TENM3: variants seen among roughly 807,000 people sequenced by gnomAD.
TENM3 encodes teneurin-3.
In TENM3, 63 loss-of-function variants were observed where a neutral mutation model predicts 255.1. The observed-to-expected ratio is 0.25, with a 90% CI of 0.20 to 0.30. The LOEUF is 0.30. Among genes scored for constraint, TENM3 ranks in the 10% least tolerant of loss-of-function variants. The probability of loss-of-function intolerance (pLI) is 1.00; values close to 1 mark genes in which losing one functional copy is unlikely to be tolerated. For synonymous variants in TENM3, 1,306 were observed against 1,322.3 expected (o/e 0.99, Z 0.27); for missense variants, 2,929 against 3,461.1 (o/e 0.85, Z 3.86).
chr4:181,755,062 C>G, the TENM3 span, among the ~76,000 whole-genome samples: 3 of 152,138 alleles, frequency 2.0e-5, no homozygotes, highest in Non-Finnish European at 4.4e-5. Flanking sequence ...AGGGTCAGCT[C>G]AGTACCAGTT....
the TENM3 span, among the ~76,000 whole-genome samples, chr4:181,514,811 G>A: frequency 1.9e-4 from 29 of 152,196 alleles, no homozygotes; most frequent in African/African-American, 3.4e-4. Context: ...AACCTGAGGC[G>A]TGGTAGCCAC....
the TENM3 span, among the ~76,000 whole-genome samples, chr4:181,654,365 G>A: frequency 1.1e-3 from 171 of 152,236 alleles, 1 homozygote; most frequent in African/African-American, 3.8e-3. Flanking sequence ...TTAATTGGAG[G>A]AAAAGAATAT....
At chr4:182,511,354 T>C (rs1737372689) in intron 3 of TENM3, among the ~76,000 whole-genome samples, 1 of 152,170 alleles carries the variant, frequency 6.6e-6, no homozygotes, top group Non-Finnish European at 1.5e-5. Flanking sequence ...AACATGTAAT[T>C]AGATGTCAGT....
chr4:182,535,031 G>T lies in TENM3; in HGVS notation c.512-65893G>T, dbSNP rs116173457. The stretch of plus-strand genomic sequence containing the variant: ...ATGATTAAGAGTCAGGATTGCTGTG[G>T]TACTGACTTGCACCCTCCTCCTCAA... On this transcript the variant is annotated intron_variant, in intron 3 of 27. Coordinates refer to ENST00000511685, the MANE Select transcript of TENM3 (RefSeq NM_001080477.4). Among the ~76,000 whole-genome samples, 986 of 152,296 alleles carry T rather than the reference G, an allele frequency of 6.5e-3. 11 individuals carry two copies. The highest frequency in any genetic ancestry group is 0.022 in the African/African-American group (933 of 41,560).
At chr4:181,754,234 C>G in the TENM3 span, among the ~76,000 whole-genome samples, 1 of 149,120 alleles carries the variant, frequency 6.7e-6, no homozygotes, top group Non-Finnish European at 1.5e-5. Flanking sequence ...AAAGAAACAA[C>G]TTATCATCTT....
At chr4:182,061,995 T>A in the TENM3 span, among the ~76,000 whole-genome samples, 1 of 152,094 alleles carries the variant, frequency 6.6e-6, no homozygotes, top group South Asian at 2.1e-4. Context: ...AATTAAATAT[T>A]TGCATTGTTG....
the TENM3 span, among the ~76,000 whole-genome samples, chr4:181,576,837 G>A: frequency 3.8e-5 from 5 of 131,536 alleles, no homozygotes; most frequent in African/African-American, 1.4e-4. Flanking sequence ...TTTTGAGACG[G>A]AGTTCCACTC....
chr4:181,924,148 C>T, the TENM3 span, among the ~76,000 whole-genome samples: 97 of 152,260 alleles, frequency 6.4e-4, no homozygotes, highest in African/African-American at 2.3e-3. Context: ...TGTTTTCTTA[C>T]TGCTTGCTTT....
chr4:181,909,641 T>A, the TENM3 span, among the ~76,000 whole-genome samples: 2 of 152,160 alleles, frequency 1.3e-5, no homozygotes, highest in African/African-American at 4.8e-5. Flanking sequence ...CTAGTAATGA[T>A]TTTTTAGATT....
the TENM3 span, among the ~76,000 whole-genome samples, chr4:181,628,849 G>GTT: frequency 7.2e-5 from 11 of 151,882 alleles, no homozygotes; most frequent in Admixed American, 2.6e-4. Context: ...ACTTTAAAGT[G>GTT]TTTTTTTTCC....
At chr4:181,546,670 C>T in the TENM3 span, among the ~76,000 whole-genome samples, 2 of 139,920 alleles carry the variant, frequency 1.4e-5, no homozygotes, top group Admixed American at 7.6e-5. Context: ...GCCGAGATCG[C>T]GCCACTGCAC....
intron 3 of TENM3, among the ~76,000 whole-genome samples, chr4:182,526,203 A>G (rs1192579205): frequency 6.6e-6 from 1 of 151,182 alleles, no homozygotes; most frequent in Non-Finnish European, 1.5e-5. Context: ...GATGGGCTCG[A>G]TCTCCTGACC....
In TENM3 at chr4:182,681,803, C is replaced by G; in HGVS notation, c.1835-11C>G. The G allele has an allele frequency of 6.3e-7, 1 of 1,598,440 alleles. No homozygotes were observed. Among genetic ancestry groups the G allele is most frequent in the Admixed American group, 1.7e-5 (1 of 58,702 alleles). On this transcript the variant is annotated splice_polypyrimidine_tract_variant and intron_variant, in intron 10 of 27. Coordinates refer to ENST00000511685, the MANE Select transcript of TENM3 (RefSeq NM_001080477.4). ...CTGGATTTAATAAAATTGTTCTTTT[C>G]TTTACACCAGCTGACTGTATAGACC...
intron 1 of TENM3, among the ~76,000 whole-genome samples, chr4:182,227,678 C>G (rs1411838244): frequency 8.0e-6 from 1 of 125,158 alleles, no homozygotes; most frequent in Non-Finnish European, 1.7e-5. Context: ...GTTGTCATTT[C>G]AAAATATTCC....
At chr4:182,054,133 A>G in the TENM3 span, among the ~76,000 whole-genome samples, 1 of 152,104 alleles carries the variant, frequency 6.6e-6, no homozygotes, top group South Asian at 2.1e-4. Flanking sequence ...TACATCTTCC[A>G]TGTGCTCCAG....
At chr4:181,583,234 G>A in the TENM3 span, among the ~76,000 whole-genome samples, 1 of 151,178 alleles carries the variant, frequency 6.6e-6, no homozygotes, top group African/African-American at 2.4e-5. Flanking sequence ...ACTTTAAAAC[G>A]ATCTGTGTGA....
chr4:182,182,630 T>G (rs1752912696), intron 1 of TENM3, among the ~76,000 whole-genome samples: 1 of 152,176 alleles, frequency 6.6e-6, no homozygotes. Flanking sequence ...CAGTGATGTC[T>G]AAGGCCATGA....
the TENM3 span, among the ~76,000 whole-genome samples, chr4:181,797,318 G>A: frequency 6.6e-6 from 1 of 151,986 alleles, no homozygotes; most frequent in African/African-American, 2.4e-5. Context: ...ATACATAATG[G>A]TGAAAGGGAC....
chr4:181,697,391 G>C, the TENM3 span, among the ~76,000 whole-genome samples: 1 of 151,644 alleles, frequency 6.6e-6, no homozygotes, highest in Admixed American at 6.6e-5. Context: ...TTGTGTGTTT[G>C]TTTTTGTTTT....
Sources: gnomAD v4.1 joint callset for allele counts (sites outside exome capture counted in the v4.1 genomes callset) on GRCh38, gnomAD v4.1.1 for gene constraint, MANE v1.5 for transcripts, NCBI Gene and HGNC (gene_info 2026-07-23, HGNC 2026-07-21) for gene names.